Variants in ABHD16A observed in about 807,000 individuals in gnomAD.
The protein encoded by ABHD16A is abhydrolase domain containing 16A, phospholipase.
ABHD16A carries 47 observed loss-of-function variants against 89.8 expected under a neutral mutation model. That is an observed-to-expected ratio of 0.52 (90% confidence interval 0.41 to 0.67). The LOEUF (loss-of-function observed/expected upper bound fraction) is 0.67, where lower values mean the gene tolerates loss of function less well. Among genes scored for constraint, ABHD16A ranks in the 30% least tolerant of loss-of-function variants. The pLI is 0.00. For synonymous variants in ABHD16A, 251 were observed against 280.4 expected (o/e 0.90, Z 1.05); for missense variants, 580 against 734.6 (o/e 0.79, Z 2.43).
intron 5 of ABHD16A, among the ~76,000 whole-genome samples, chr6:31,696,581 C>T (rs1804416314): frequency 6.7e-6 from 1 of 149,044 alleles, no homozygotes; most frequent in Admixed American, 6.7e-5. Flanking sequence ...TGCAGTGAGC[C>T]GAGATCGTGC....
intron 12 of ABHD16A, 132 bp downstream of exon 12, chr6:31,689,449 G>T: frequency 7.7e-7 from 1 of 1,295,272 alleles, no homozygotes; most frequent in Non-Finnish European, 1.0e-6. Flanking sequence ...CTTCTTCCAG[G>T]CCCACTCAGA....
intron 2 of ABHD16A, 104 bp downstream of exon 2, chr6:31,701,970 C>T (rs777584094): frequency 1.0e-5 from 13 of 1,295,414 alleles, no homozygotes; most frequent in Non-Finnish European, 1.4e-5. Flanking sequence ...CCCAGGGCAT[C>T]CCCCAACCCC....
rs774519426 is a variant in ABHD16A at position 31,693,076 on chromosome 6, C to T, written c.577G>A (p.Ala193Thr). 5.0e-6 allele frequency: 8 copies of T among 1,614,052 alleles called. No individual in the cohort carries two copies. The East Asian group carries it at 8.9e-5, about 18-fold the overall frequency. ...LRPEPLHRGT[A>T]DTLLNRVKKL... is the part of the protein sequence containing the mutation. ...TTAACCCGGTTGAGGAGGGTGTCTGCTGTCCCCCGGTGCAGGGGCTCTGGG... is the reference window on the plus strand; with the variant it reads ...TTAACCCGGTTGAGGAGGGTGTCTGTTGTCCCCCGGTGCAGGGGCTCTGGG... The change falls in exon 7 of 20, where the codon GCA becomes ACA. Residue 193 changes from alanine to threonine, a missense_variant. Ala to Thr is a moderately conservative substitution (Grantham distance 58). This residue lies in a region of ABHD16A where 415 missense variants were observed against 568.8 expected (regional missense o/e 0.73). Transcript: ENST00000395952. The surrounding 1 kb of genome is among the most constrained non-coding windows in gnomAD (Gnocchi z 5.0).
rs1803550919 is a variant in ABHD16A at position 31,688,741 on chromosome 6, T to C, written c.1232A>G (p.Asn411Ser). 6.2e-7 allele frequency: 1 copy of C among 1,612,976 alleles called. No individual in the cohort carries two copies. The highest frequency in any genetic ancestry group is 8.5e-7 in the Non-Finnish European group (1 of 1,179,984). ...CCCTCACCTGCACAGCTGCTCCGCGTTGTTTAGATTGAGATGCTGCCTCAC... is the reference window on the plus strand; with the variant it reads ...CCCTCACCTGCACAGCTGCTCCGCGCTGTTTAGATTGAGATGCTGCCTCAC... ...RTVRQHLNLNNAEQLCRYQGP... is the reference protein window; with the variant it reads ...RTVRQHLNLNSAEQLCRYQGP... The change falls in exon 14 of 20, where the codon AAC (asparagine) becomes AGC (serine). Residue 411 changes from asparagine (N) to serine (S), a missense_variant. Transcript: ENST00000395952. The surrounding 1 kb of genome is among the most constrained non-coding windows in gnomAD (Gnocchi z 4.9).
At chr6:31,701,248 C>G (rs750939053) in intron 3 of ABHD16A, 26 bp downstream of exon 3, 2 of 1,603,158 alleles carry the variant, frequency 1.2e-6, no homozygotes, top group Non-Finnish European at 1.7e-6. Flanking sequence ...CATTTGCTAC[C>G]CCACCACCTT....
intron 5 of ABHD16A, among the ~76,000 whole-genome samples, chr6:31,696,195 G>T (rs1217061152): frequency 6.6e-6 from 1 of 151,812 alleles, no homozygotes; most frequent in Non-Finnish European, 1.5e-5. Flanking sequence ...ACTGGGCGTG[G>T]TGGTGTGCAC....
chr6:31,693,205 C>A lies in ABHD16A; in HGVS notation c.504-56G>T. On this transcript the variant is annotated intron_variant, in intron 6 of 19. Transcript: ENST00000395952. This position sits in a 1 kb window ranked among gnomAD's most constrained non-coding sequence, Gnocchi z 5.0. The stretch of plus-strand genomic sequence containing the variant: ...GGGTCAGGAGCAGCAAGCTGGATGT[C>A]TGAGGTCTGGAGAACAGTGGGGTCT... 6.3e-7 allele frequency: 1 copy of A among 1,596,568 alleles called. No homozygotes were observed. The highest frequency in any genetic ancestry group is 8.5e-7 in the Non-Finnish European group (1 of 1,169,956).
Position 31,690,802 on chromosome 6 carries a change from G to A in ABHD16A, c.844-200C>T. On this transcript the variant is annotated intron_variant, in intron 9 of 19. Transcript: ENST00000395952. This position sits in a 1 kb window ranked among gnomAD's most constrained non-coding sequence, Gnocchi z 4.1. ...AAAGGGATTACAAATACTCCTCAGA[G>A]GCTGACCTGCTCGACCACCCAGCCA... 6.6e-6 allele frequency among the ~76,000 whole-genome samples: 1 copy of A among 152,180 alleles called. No homozygotes were observed. Among genetic ancestry groups the A allele is most frequent in the Non-Finnish European group, 1.5e-5 (1 of 68,038 alleles).
Position 31,690,733 on chromosome 6 carries a change from G to T in ABHD16A, c.844-131C>A. 1.3e-6 allele frequency: 1 copy of T among 771,522 alleles called. No individual in the cohort carries two copies. The highest frequency in any genetic ancestry group is 2.2e-6 in the Non-Finnish European group (1 of 454,470). 47.8% of individuals were successfully genotyped at this position (771,522 alleles called of 1,614,324 possible). On this transcript the variant is annotated intron_variant, in intron 9 of 19. Transcript: ENST00000395952. This position sits in a 1 kb window ranked among gnomAD's most constrained non-coding sequence, Gnocchi z 4.1. ...GGGCAGGTTTCTGTTTTCTCCAAGG[G>T]GAATGGAAGCTTCTCATTCCACAGG... is the stretch of plus-strand genomic sequence containing the variant.
chr6:31,687,921 CA>C lies in ABHD16A; in HGVS notation c.1371-22del. 1 of 1,612,800 alleles carries C rather than the reference CA, an allele frequency of 6.2e-7. No homozygotes were observed. The highest frequency in any genetic ancestry group is 8.5e-7 in the Non-Finnish European group (1 of 1,180,026). ...GATACCTACGGAGGAAGTGCCAGGA[CA>C]GGTCAGGGCTGATTTTTTTTCATTC... On this transcript the variant is annotated intron_variant, in intron 16 of 19. Coordinates refer to ENST00000395952, the MANE Select transcript of ABHD16A (RefSeq NM_021160.3). The surrounding 1 kb of genome is among the most constrained non-coding windows in gnomAD (Gnocchi z 6.3).
In ABHD16A at chr6:31,690,326, TG is replaced by T. The variant is rs1803747040; in HGVS notation, c.908-200del. 2 of 676,128 alleles carry T rather than the reference TG, an allele frequency of 3.0e-6. No homozygotes were observed. Among genetic ancestry groups the T allele is most frequent in the East Asian group, 2.7e-5 (1 of 36,596 alleles). The allele number at this position is 676,128 out of a possible 1,614,324, so 41.9% of individuals were successfully genotyped here. A position where few individuals can be genotyped will look rare whatever the true frequency, so the allele number is the denominator to read the frequency against. ...TTGTGTGGGGTGTGTGGTGGGGGAATGGAACAGAATGAAAAGCATAATAGCT... is the reference window on the plus strand; with the variant it reads ...TTGTGTGGGGTGTGTGGTGGGGGAATGAACAGAATGAAAAGCATAATAGCT... On this transcript the variant is annotated intron_variant, in intron 10 of 19. Coordinates refer to ENST00000395952, the MANE Select transcript of ABHD16A (RefSeq NM_021160.3). This position sits in a 1 kb window ranked among gnomAD's most constrained non-coding sequence, Gnocchi z 4.1.
In ABHD16A at chr6:31,693,492, C is replaced by T. The variant is rs575210419; in HGVS notation, c.430-60G>A. 4 of 1,507,330 alleles carry T rather than the reference C, an allele frequency of 2.7e-6. No individual in the cohort carries two copies. The highest frequency in any genetic ancestry group is 3.7e-6 in the Non-Finnish European group (4 of 1,089,114). The allele number at this position is 1,507,330 out of a possible 1,614,324, so 93.4% of individuals were successfully genotyped here. A position where few individuals can be genotyped will look rare whatever the true frequency, so the allele number is the denominator to read the frequency against. On this transcript the variant is annotated intron_variant, in intron 5 of 19. Coordinates refer to ENST00000395952, the MANE Select transcript of ABHD16A (RefSeq NM_021160.3). This position sits in a 1 kb window ranked among gnomAD's most constrained non-coding sequence, Gnocchi z 5.0. ...AACTCAGGGGAGGCTCTCCTACCCA[C>T]CCTCAACAACACCTTCGTTATCCAG... is the stretch of plus-strand genomic sequence containing the variant.
Position 31,688,872 on chromosome 6 carries a change from T to C in ABHD16A, c.1187-86A>G. ...CTCACTATTCACGGAGAAAGAAAAC[T>C]GAGGCCCCCAGACAAAGGAGTCCTC... On this transcript the variant is annotated intron_variant, in intron 13 of 19. Transcript: ENST00000395952. The surrounding 1 kb of genome is among the most constrained non-coding windows in gnomAD (Gnocchi z 4.9). 3 of 1,486,008 alleles carry C rather than the reference T, an allele frequency of 2.0e-6. No homozygotes were observed. The highest frequency in any genetic ancestry group is 2.8e-6 in the Non-Finnish European group (3 of 1,082,954). The allele number at this position is 1,486,008 out of a possible 1,614,324, so 92.1% of individuals were successfully genotyped here.
chr6:31,694,630 A>G (rs2151240104), intron 5 of ABHD16A, among the ~76,000 whole-genome samples: 1 of 151,936 alleles, frequency 6.6e-6, no homozygotes, highest in South Asian at 2.1e-4. Flanking sequence ...TGACCTCGTG[A>G]TCCACCCGCC....
chr6:31,687,427 G>A lies in ABHD16A; in HGVS notation c.1593+71C>T. The A allele has an allele frequency of 1.2e-6, 2 of 1,610,182 alleles. No homozygotes were observed. Among genetic ancestry groups the A allele is most frequent in the Non-Finnish European group, 1.7e-6 (2 of 1,177,500 alleles). ...AAGCTGCCACTTCCAATGCTTATAG[G>A]GTATCCCCAGTCCCCCTATGTGAGC... On this transcript the variant is annotated intron_variant, in intron 19 of 19. Coordinates refer to ENST00000395952, the MANE Select transcript of ABHD16A (RefSeq NM_021160.3). This position sits in a 1 kb window ranked among gnomAD's most constrained non-coding sequence, Gnocchi z 6.3.
At chr6:31,691,781 A>G (rs774111112) in intron 8 of ABHD16A, 23 bp downstream of exon 8, 4 of 1,598,344 alleles carry the variant, frequency 2.5e-6, no homozygotes. Flanking sequence ...GCTTTAGGGG[A>G]TGTGCGGGCA....
At chr6:31,702,851 G>A in intron 1 of ABHD16A, 1 of 1,369,946 alleles carries the variant, frequency 7.3e-7, no homozygotes. Flanking sequence ...CTCTTCCCGG[G>A]ACTCAAGACT....
In ABHD16A at chr6:31,689,620, C is replaced by G. The variant is rs1803662292; in HGVS notation, c.1042G>C (p.Asp348His). 4.3e-6 allele frequency: 7 copies of G among 1,610,966 alleles called. No individual in the cohort carries two copies. Among genetic ancestry groups the G allele is most frequent in the Non-Finnish European group, 5.1e-6 (6 of 1,179,022 alleles). ...AIHRLGFQPQ[D>H]IIIYAWSIGG... ...ATGGACCAGGCGTAGATGATGATGTCCTGGGGCTGGAAGCCTAGGCGGTGG... is the reference window on the plus strand; with the variant it reads ...ATGGACCAGGCGTAGATGATGATGTGCTGGGGCTGGAAGCCTAGGCGGTGG... The change falls in exon 12 of 20, where the codon GAC (aspartate) becomes CAC (histidine). Residue 348 changes from aspartate (D) to histidine (H), a missense_variant. Coordinates refer to ENST00000395952, the MANE Select transcript of ABHD16A (RefSeq NM_021160.3).
intron 4 of ABHD16A, among the ~76,000 whole-genome samples, chr6:31,697,399 C>T (rs1272744716): frequency 6.6e-6 from 1 of 152,200 alleles, no homozygotes; most frequent in African/African-American, 2.4e-5. Flanking sequence ...TATCAAATTT[C>T]TCTATTTTTC....
Sources: gnomAD v4.1 joint callset for allele counts (sites outside exome capture counted in the v4.1 genomes callset) on GRCh38, gnomAD v4.1.1 for gene constraint, gnomAD v4.1.1 regional missense constraint, Gnocchi (gnomAD v3.1) non-coding constraint, MANE v1.5 for transcripts, NCBI Gene and HGNC (gene_info 2026-07-23, HGNC 2026-07-21) for gene names.